Variants in ANK2 observed in about 807,000 individuals in gnomAD.
ANK2 encodes the protein ankyrin-2.
In ANK2, 83 loss-of-function variants were observed where a neutral mutation model predicts 360.5. The observed-to-expected ratio is 0.23, with a 90% confidence interval of 0.19 to 0.28. The LOEUF is 0.28. ANK2 is among the 10% of genes least tolerant of loss of function. ANK2 has a pLI of 1.00. For missense variants in ANK2, 4,201 were observed against 4,795.7 expected (o/e 0.88, Z 3.66); for synonymous variants, 1,740 against 1,759.5 (o/e 0.99, Z 0.28).
chr4:112,940,464 C>T (rs1464623287), intron 2 of ANK2, among the ~76,000 whole-genome samples: 7 of 152,154 alleles, frequency 4.6e-5, no homozygotes, highest in Non-Finnish European at 8.8e-5. Flanking sequence ...TATCTGAACA[C>T]ACACAGAGAA....
intron 24 of ANK2, among the ~76,000 whole-genome samples, chr4:113,316,254 T>C (rs2082908740): frequency 6.6e-6 from 1 of 152,230 alleles, no homozygotes; most frequent in African/African-American, 2.4e-5. Flanking sequence ...TAAACACAGA[T>C]TTATGTATGT....
At chr4:112,717,429 G>A in the ANK2 span, among the ~76,000 whole-genome samples, 1 of 152,196 alleles carries the variant, frequency 6.6e-6, no homozygotes, top group South Asian at 2.1e-4. Flanking sequence ...TTGGAATTGA[G>A]CAAATCAAAT....
intron 1 of ANK2, among the ~76,000 whole-genome samples, chr4:113,163,455 T>G (rs1190758828): frequency 6.8e-6 from 1 of 146,828 alleles, no homozygotes; most frequent in Admixed American, 6.7e-5. Flanking sequence ...GACAATGGAC[T>G]TTTTTTTTAA....
intron 2 of ANK2, among the ~76,000 whole-genome samples, chr4:113,044,393 C>T (rs886411506): frequency 6.6e-6 from 1 of 152,152 alleles, no homozygotes; most frequent in East Asian, 1.9e-4. Flanking sequence ...TAGGCTTCAA[C>T]GTGGCGTACA....
the ANK2 span, among the ~76,000 whole-genome samples, chr4:112,811,653 C>G: frequency 6.6e-6 from 1 of 152,096 alleles, no homozygotes; most frequent in Non-Finnish European, 1.5e-5. Context: ...CTGTTGGCAC[C>G]CATTGCTGAC....
At chr4:112,846,160 G>T (rs1209209249) in intron 1 of ANK2, among the ~76,000 whole-genome samples, 1 of 151,784 alleles carries the variant, frequency 6.6e-6, no homozygotes, top group African/African-American at 2.4e-5. Context: ...TTGTCTCCCA[G>T]GCTGGAGTGC....
At position 113,311,402 on chromosome 4, in the gene ANK2, A is replaced by G. The variant is rs759433665; in HGVS notation, c.2693+3A>G. ...TTGGAGGGAGGACGATCTGACAGGTATCTCATAAAACTTATAATTGATGTC... is the reference window on the plus strand; with the variant it reads ...TTGGAGGGAGGACGATCTGACAGGTGTCTCATAAAACTTATAATTGATGTC... On this transcript the variant is annotated splice_donor_region_variant and intron_variant, in intron 24 of 45. Transcript: ENST00000357077. The G allele has an allele frequency of 1.9e-6, 3 of 1,614,114 alleles. No individual in the cohort carries two copies. The highest frequency in any genetic ancestry group is 1.3e-5 in the African/African-American group (1 of 75,048).
intron 28 of ANK2, 25 bp downstream of exon 28, chr4:113,332,095 A>T: frequency 6.4e-7 from 1 of 1,570,840 alleles, no homozygotes; most frequent in Non-Finnish European, 8.8e-7. Flanking sequence ...AAACAAATTG[A>T]TGGCTGCTGG....
upstream of ANK2, among the ~76,000 whole-genome samples, chr4:112,814,902 C>G (rs2055528737): frequency 1.3e-5 from 2 of 152,146 alleles, no homozygotes; most frequent in Admixed American, 6.5e-5. Context: ...GGCAAAAGAT[C>G]ACTGTATGGG....
At chr4:113,249,032 A>G (rs897510944) in intron 9 of ANK2, among the ~76,000 whole-genome samples, 1 of 152,256 alleles carries the variant, frequency 6.6e-6, no homozygotes, top group Non-Finnish European at 1.5e-5. Flanking sequence ...CTCTGGAATC[A>G]GAGGCTATCC....
intron 1 of ANK2, among the ~76,000 whole-genome samples, chr4:112,821,503 T>G (rs532347982): frequency 6.6e-6 from 1 of 151,314 alleles, no homozygotes; most frequent in Non-Finnish European, 1.5e-5. Flanking sequence ...ACCCTAATTT[T>G]TTTTTTTATT....
chr4:112,838,941 A>G (rs961674098), intron 1 of ANK2, among the ~76,000 whole-genome samples: 2 of 152,142 alleles, frequency 1.3e-5, no homozygotes, highest in African/African-American at 4.8e-5. Flanking sequence ...TCATCTTTGT[A>G]ACATCTTAGG....
At chr4:112,948,070 T>C (rs1371085657) in intron 2 of ANK2, among the ~76,000 whole-genome samples, 1 of 152,216 alleles carries the variant, frequency 6.6e-6, no homozygotes, top group African/African-American at 2.4e-5. Context: ...CCCACAATTA[T>C]CACTTTCTTC....
intron 1 of ANK2, among the ~76,000 whole-genome samples, chr4:112,877,311 T>A (rs1217959667): frequency 1.3e-5 from 2 of 152,248 alleles, no homozygotes; most frequent in African/African-American, 4.8e-5. Context: ...TTCTGCTGTC[T>A]GCACATCAGT....
intron 1 of ANK2, among the ~76,000 whole-genome samples, chr4:112,838,750 T>C (rs2061502861): frequency 1.3e-5 from 2 of 152,116 alleles, no homozygotes; most frequent in African/African-American, 4.8e-5. Context: ...ATGCCTGTAA[T>C]CCCAGCTACT....
rs1041998291 is a variant in ANK2 at position 113,335,762 on chromosome 4, T to C, written c.3380-84T>C. ...GTTTTGCTGGCACTTCTGTTCATTA[T>C]TAACCGAGCGAATGAGTTGGCTAGA... On this transcript the variant is annotated intron_variant, in intron 29 of 45. Transcript: ENST00000357077. 1.2e-5 allele frequency: 16 copies of C among 1,388,312 alleles called. No individual in the cohort carries two copies. The African/African-American group carries it at 1.3e-4, about 11-fold the overall frequency. 86.0% of individuals were successfully genotyped at this position (1,388,312 alleles called of 1,614,324 possible).
At chr4:113,167,304 T>C (rs1320697758) in intron 1 of ANK2, among the ~76,000 whole-genome samples, 2 of 136,450 alleles carry the variant, frequency 1.5e-5, no homozygotes, top group Admixed American at 7.3e-5. Flanking sequence ...TAGGGTCACC[T>C]TTTTTTTTTT....
At position 113,174,476 on chromosome 4, in the gene ANK2, G is replaced by T; in HGVS notation, c.145G>T (p.Glu49Ter). 2 of 1,613,188 alleles carry T rather than the reference G, an allele frequency of 1.2e-6. No homozygotes were observed. The highest frequency in any genetic ancestry group is 2.2e-5 in the South Asian group (2 of 90,888). The change falls in exon 2 of 46, where the codon GAA becomes TAA. Residue 49 changes from glutamate to a stop codon, truncating the protein, a stop_gained. Transcript: ENST00000357077. LOFTEE classifies it high-confidence loss of function. ...ARAGNLDKVV[E>*]YLKGGIDINT... Reference sequence around the variant, plus strand: ...AGCAGGCAACCTGGACAAAGTTGTGGAATATCTGAAGGGGGGCATAGACAT... The same window carrying T: ...AGCAGGCAACCTGGACAAAGTTGTGTAATATCTGAAGGGGGGCATAGACAT...
chr4:113,154,933 G>A (rs1435354524), intron 1 of ANK2, among the ~76,000 whole-genome samples: 3 of 152,060 alleles, frequency 2.0e-5, no homozygotes, highest in African/African-American at 7.2e-5. Flanking sequence ...GGCCCATCTT[G>A]GTCTTAACCA....
Sources: gnomAD v4.1 joint callset for allele counts (sites outside exome capture counted in the v4.1 genomes callset) on GRCh38, gnomAD v4.1.1 for gene constraint, MANE v1.5 for transcripts, NCBI Gene and HGNC (gene_info 2026-07-23, HGNC 2026-07-21) for gene names.